ATF6: variants seen among roughly 807,000 people sequenced by gnomAD.
ATF6 encodes cyclic AMP-dependent transcription factor ATF-6 alpha.
In ATF6, 53 loss-of-function variants were observed where a neutral mutation model predicts 83.6. That is an observed-to-expected ratio of 0.63 (90% CI 0.51 to 0.80). ATF6 has a LOEUF of 0.80. Among genes scored for constraint, ATF6 ranks in the 30% least tolerant of loss-of-function variants. The pLI, the probability that ATF6 is intolerant of heterozygous loss-of-function variation, is 0.00. For synonymous variants in ATF6, 288 were observed against 285.8 expected (o/e 1.01, Z -0.08); for missense variants, 744 against 797.9 (o/e 0.93, Z 0.81).
chr1:161,842,311 C>T (rs942810991), intron 9 of ATF6, among the ~76,000 whole-genome samples: 4 of 152,136 alleles, frequency 2.6e-5, no homozygotes, highest in Non-Finnish European at 4.4e-5. Context: ...GTGGAGATTC[C>T]TTAAAGAACT....
In ATF6 at chr1:161,819,836, G is replaced by T; in HGVS notation, c.1095+18G>T. ...TGTCAGAGGTAAGTGTTAGTAATAC[G>T]GCTGAGTCGAGATGGGCTAAAGTAT... is the stretch of plus-strand genomic sequence containing the variant. On this transcript the variant is annotated intron_variant, in intron 8 of 15. Transcript: ENST00000367942. 6.3e-7 allele frequency: 1 copy of T among 1,585,992 alleles called. No homozygotes were observed. The highest frequency in any genetic ancestry group is 1.4e-5 in the African/African-American group (1 of 73,034).
intron 7 of ATF6, among the ~76,000 whole-genome samples, chr1:161,817,775 A>AG (rs1210035990): frequency 7.2e-5 from 11 of 152,092 alleles, no homozygotes; most frequent in Admixed American, 6.6e-4. Flanking sequence ...ATGTAGTATC[A>AG]GGGTGGGAAT....
intron 2 of ATF6, 129 bp downstream of exon 2, chr1:161,778,449 A>G: frequency 3.0e-6 from 2 of 659,396 alleles, no homozygotes; most frequent in Non-Finnish European, 5.2e-6. Flanking sequence ...AGCTTCTACC[A>G]TTAAGTATGA....
chr1:161,778,676 T>C (rs1369506730), intron 2 of ATF6, among the ~76,000 whole-genome samples: 1 of 152,206 alleles, frequency 6.6e-6, no homozygotes, highest in Non-Finnish European at 1.5e-5. Context: ...ACAGATTCTT[T>C]GCTTTTAAAA....
At chr1:161,877,382 A>C (rs1301365486) in intron 14 of ATF6, among the ~76,000 whole-genome samples, 1 of 152,152 alleles carries the variant, frequency 6.6e-6, no homozygotes, top group Non-Finnish European at 1.5e-5. Context: ...CTCCTGAGAC[A>C]GCGACATTTA....
intron 6 of ATF6, among the ~76,000 whole-genome samples, chr1:161,801,359 CTTT>C (rs1170991022): frequency 0.11 from 10,205 of 95,112 alleles, 666 homozygotes; most frequent in East Asian, 0.3. Flanking sequence ...TATTTGTAGT[CTTT>C]TTTTTTTTTT....
At chr1:161,924,386 GAGTGCTAAGAA>G (rs1688269562) in intron 15 of ATF6, among the ~76,000 whole-genome samples, 1 of 152,178 alleles carries the variant, frequency 6.6e-6, no homozygotes, top group Non-Finnish European at 1.5e-5. Context: ...AAAAGTTAGA[GAGTGCTAAGAA>G]ATCCACATAT....
chr1:161,918,666 G>A (rs1351598818), intron 15 of ATF6, among the ~76,000 whole-genome samples: 1 of 152,118 alleles, frequency 6.6e-6, no homozygotes, highest in African/African-American at 2.4e-5. Context: ...AGCATATAAG[G>A]GTTTGAGAAA....
chr1:161,920,660 C>T (rs1688195442), intron 15 of ATF6, among the ~76,000 whole-genome samples: 1 of 150,954 alleles, frequency 6.6e-6, no homozygotes. Flanking sequence ...GTGAATGAGC[C>T]AGTTGCTGTG....
chr1:161,930,919 G>C (rs1003623657), intron 15 of ATF6, among the ~76,000 whole-genome samples: 2 of 151,208 alleles, frequency 1.3e-5, no homozygotes, highest in Non-Finnish European at 2.9e-5. Flanking sequence ...TGGGGACATA[G>C]TTTCACTCTG....
At chr1:161,787,343 T>C (rs1235156636) in intron 4 of ATF6, among the ~76,000 whole-genome samples, 1 of 152,252 alleles carries the variant, frequency 6.6e-6, no homozygotes, top group African/African-American at 2.4e-5. Context: ...CAGATTATAA[T>C]CCGTTACTAT....
intron 15 of ATF6, among the ~76,000 whole-genome samples, chr1:161,947,262 C>T (rs1015449984): frequency 6.6e-6 from 1 of 151,844 alleles, no homozygotes; most frequent in Non-Finnish European, 1.5e-5. Flanking sequence ...GTGTGGGGGT[C>T]AGTAGATGGA....
chr1:161,821,307 A>C, intron 9 of ATF6, 146 bp downstream of exon 9: 1 of 543,928 alleles, frequency 1.8e-6, no homozygotes, highest in East Asian at 3.2e-5. Context: ...GCCTTCAAAG[A>C]TCTCATGATC....
At chr1:161,860,132 G>T in intron 12 of ATF6, 75 bp from the exon 13 acceptor site, 1 of 954,514 alleles carries the variant, frequency 1.0e-6, no homozygotes, top group Non-Finnish European at 1.5e-6. Flanking sequence ...TTTAAGTATA[G>T]AATGAACCAG....
intron 14 of ATF6, among the ~76,000 whole-genome samples, chr1:161,895,119 C>T (rs775326283): frequency 5.9e-5 from 9 of 152,088 alleles, no homozygotes; most frequent in Non-Finnish European, 1.3e-4. Context: ...TACCTGTAGT[C>T]CCAGCTACTC....
intron 14 of ATF6, among the ~76,000 whole-genome samples, chr1:161,897,827 T>C (rs547797810): frequency 7.2e-5 from 11 of 152,218 alleles, no homozygotes; most frequent in Admixed American, 2.6e-4. Context: ...ATAAAGTAGA[T>C]TATTAAAATT....
At chr1:161,871,491 TA>T (rs1448235874) in intron 14 of ATF6, among the ~76,000 whole-genome samples, 1 of 151,330 alleles carries the variant, frequency 6.6e-6, no homozygotes, top group Non-Finnish European at 1.5e-5. Flanking sequence ...GAACTTAAAA[TA>T]AAAGTTAAAA....
At chr1:161,919,743 C>G (rs555932310) in intron 15 of ATF6, among the ~76,000 whole-genome samples, 1 of 152,076 alleles carries the variant, frequency 6.6e-6, no homozygotes, top group Non-Finnish European at 1.5e-5. Context: ...GAATTAAGGG[C>G]CCACGTAGAT....
intron 12 of ATF6, among the ~76,000 whole-genome samples, chr1:161,853,707 G>A (rs962786482): frequency 1.3e-5 from 2 of 152,170 alleles, no homozygotes; most frequent in African/African-American, 2.4e-5. Context: ...AAGACCTGGG[G>A]CAGTTTGGAA....
Sources: gnomAD v4.1 joint callset for allele counts (sites outside exome capture counted in the v4.1 genomes callset) on GRCh38, gnomAD v4.1.1 for gene constraint, MANE v1.5 for transcripts, NCBI Gene and HGNC (gene_info 2026-07-23, HGNC 2026-07-21) for gene names.